Variants in IQCM observed in about 807,000 individuals in gnomAD.
IQCM encodes IQ domain-containing protein M.
Under a neutral mutation model 57.6 loss-of-function variants are expected in IQCM, and 45 were observed. The observed-to-expected ratio is 0.78, with a 90% CI of 0.62 to 1.00. The LOEUF (loss-of-function observed/expected upper bound fraction) is 1.00, where lower values mean the gene tolerates loss of function less well. Among genes scored for constraint, IQCM ranks in the 50% least tolerant of loss-of-function variants. The pLI, the probability that IQCM is intolerant of heterozygous loss-of-function variation, is 0.00. For missense variants in IQCM, 468 were observed against 511.6 expected (o/e 0.91, Z 0.82); for synonymous variants, 148 against 158.9 (o/e 0.93, Z 0.51).
intron 2 of IQCM, among the ~76,000 whole-genome samples, 167 bp downstream of exon 2, chr4:149,815,144 A>T (rs144677196): frequency 0.022 from 3,348 of 152,058 alleles, 62 homozygotes; most frequent in South Asian, 0.035. Flanking sequence ...AGCCTTTAAA[A>T]GGAAAATTTT....
chr4:149,533,282 A>G (rs1288596165), intron 12 of IQCM, among the ~76,000 whole-genome samples: 2 of 152,240 alleles, frequency 1.3e-5, no homozygotes, highest in East Asian at 3.9e-4. Context: ...CATATAAAAA[A>G]GAAATAAAGA....
intron 9 of IQCM, among the ~76,000 whole-genome samples, chr4:149,575,745 C>A (rs575343877): frequency 6.6e-6 from 1 of 151,924 alleles, no homozygotes; most frequent in South Asian, 2.1e-4. Context: ...GGGTAGGATA[C>A]TTTTTACCAC....
intron 12 of IQCM, among the ~76,000 whole-genome samples, chr4:149,440,050 G>C (rs1186278952): frequency 6.7e-6 from 1 of 149,508 alleles, no homozygotes; most frequent in African/African-American, 2.5e-5. Flanking sequence ...TCTGCTTCCT[G>C]GGTTCTAGCG....
intron 8 of IQCM, among the ~76,000 whole-genome samples, chr4:149,619,670 G>T (rs1461474470): frequency 6.6e-6 from 1 of 152,010 alleles, no homozygotes; most frequent in Non-Finnish European, 1.5e-5. Context: ...AAAAGAATTT[G>T]GTAAAATATA....
intron 12 of IQCM, among the ~76,000 whole-genome samples, chr4:149,434,805 G>C (rs75582600): frequency 5.7e-4 from 87 of 152,088 alleles, no homozygotes; most frequent in African/African-American, 2.0e-3. Context: ...CTCTCAGAAG[G>C]CTCCTGCAAC....
intron 12 of IQCM, among the ~76,000 whole-genome samples, chr4:149,523,805 G>A (rs1745896279): frequency 2.0e-5 from 3 of 152,046 alleles, no homozygotes; most frequent in Admixed American, 1.3e-4. Context: ...TCTGGAAATG[G>A]AATATTAATA....
intron 13 of IQCM, among the ~76,000 whole-genome samples, chr4:149,421,170 C>T (rs1734094961): frequency 1.3e-5 from 2 of 152,054 alleles, no homozygotes. Context: ...CTTTTTGTCT[C>T]TACATTGCTA....
At chr4:149,624,158 G>A (rs1039875674) in intron 7 of IQCM, among the ~76,000 whole-genome samples, 3 of 152,002 alleles carry the variant, frequency 2.0e-5, no homozygotes, top group Admixed American at 1.3e-4. Context: ...GTGTGTGTGT[G>A]TGTGTGTGTG....
chr4:149,676,640 A>G (rs1369921620), intron 7 of IQCM, among the ~76,000 whole-genome samples: 1 of 152,096 alleles, frequency 6.6e-6, no homozygotes, highest in East Asian at 1.9e-4. Flanking sequence ...TAACCTAATT[A>G]GAGTAACTTC....
intron 11 of IQCM, among the ~76,000 whole-genome samples, chr4:149,551,897 T>C (rs1387572963): frequency 6.6e-6 from 1 of 152,050 alleles, no homozygotes; most frequent in African/African-American, 2.4e-5. Context: ...CTCTCTCTTC[T>C]CGTTTTCTCA....
At chr4:149,679,678 G>C (rs1263488221) in intron 7 of IQCM, among the ~76,000 whole-genome samples, 2 of 151,254 alleles carry the variant, frequency 1.3e-5, no homozygotes, top group African/African-American at 4.8e-5. Flanking sequence ...AAAGAATTGG[G>C]TGATAATTTG....
At chr4:149,473,417 A>G (rs991964640) in intron 12 of IQCM, among the ~76,000 whole-genome samples, 3 of 152,230 alleles carry the variant, frequency 2.0e-5, no homozygotes, top group Non-Finnish European at 2.9e-5. Flanking sequence ...TATCAAAACC[A>G]CAATGAGATA....
At chr4:149,450,346 G>A (rs1263395518) in intron 12 of IQCM, among the ~76,000 whole-genome samples, 1 of 151,688 alleles carries the variant, frequency 6.6e-6, no homozygotes, top group African/African-American at 2.4e-5. Flanking sequence ...GGCAACCAAA[G>A]CAAAAATTGA....
rs753300535 is a variant in IQCM, at chr4:149,559,972, G to A, written c.948+3720C>T. ...GGGATCCAGGTTGTGTGCTCTTAAT[G>A]AGAATCTAATGCCTGATGATCTGAA... On this transcript the variant is annotated intron_variant, in intron 10 of 13. Coordinates refer to ENST00000636793, the MANE Select transcript of IQCM (RefSeq NM_001363507.2). Among the ~76,000 whole-genome samples, 8 of 152,306 alleles carry A rather than the reference G, an allele frequency of 5.3e-5. 1 individual carries two copies. In the South Asian group the frequency reaches 1.5e-3, roughly 28 times the overall value.
chr4:149,532,413 A>G lies in IQCM; in HGVS notation c.1228+16042T>C, dbSNP rs550735174. On this transcript the variant is annotated intron_variant, in intron 12 of 13. Transcript: ENST00000636793. ...ACAGAATACTCATGAATAAGAAAGT[A>G]TTACCTGGGAAATACTACAGGATCT... 2.0e-5 allele frequency among the ~76,000 whole-genome samples: 3 copies of G among 152,016 alleles called. No homozygotes were observed. The South Asian group carries it at 6.2e-4, about 32-fold the overall frequency.
rs569954918 is a variant in IQCM at position 149,607,601 on chromosome 4, G to C, written c.681+13528C>G. ...AACTTAAGAGATAAATAATATAAAA[G>C]ATAAATAGAGATAACAAAAAGTCAA... is the stretch of plus-strand genomic sequence containing the variant. On this transcript the variant is annotated intron_variant, in intron 8 of 13. Transcript: ENST00000636793. Among the ~76,000 whole-genome samples the C allele has an allele frequency of 8.6e-5, 13 of 151,992 alleles. No individual in the cohort carries two copies. The East Asian group carries it at 2.5e-3, about 29-fold the overall frequency.
rs112152914 is a variant in IQCM at position 149,805,725 on chromosome 4, A to C, written c.-49+9586T>G. On this transcript the variant is annotated intron_variant, in intron 2 of 13. Coordinates refer to ENST00000636793, the MANE Select transcript of IQCM (RefSeq NM_001363507.2). The stretch of plus-strand genomic sequence containing the variant: ...CAAATGGTTAAATATTTCCAATTTC[A>C]TATCAATGTCATCAGTTGCTTTGAA... Among the ~76,000 whole-genome samples the C allele has an allele frequency of 5.9e-5, 9 of 152,178 alleles. 1 individual carries two copies. Among genetic ancestry groups the C allele is most frequent in the African/African-American group, 2.2e-4 (9 of 41,574 alleles).
chr4:149,424,139 G>T (rs1734310007), intron 13 of IQCM, among the ~76,000 whole-genome samples: 1 of 151,762 alleles, frequency 6.6e-6, no homozygotes, highest in South Asian at 2.1e-4. Flanking sequence ...TTTCTCAAAA[G>T]CTTACAGAAC....
intron 8 of IQCM, among the ~76,000 whole-genome samples, chr4:149,606,995 T>C (rs1754843573): frequency 6.6e-6 from 1 of 152,076 alleles, no homozygotes; most frequent in South Asian, 2.1e-4. Flanking sequence ...GAAAGTTTAC[T>C]CAAAGAAATA....
Sources: gnomAD v4.1 joint callset for allele counts (sites outside exome capture counted in the v4.1 genomes callset) on GRCh38, gnomAD v4.1.1 for gene constraint, MANE v1.5 for transcripts, NCBI Gene and HGNC (gene_info 2026-07-23, HGNC 2026-07-21) for gene names.